The following DCLK1 variants were observed in gnomAD, a reference collection of about 807,000 sequenced individuals.
DCLK1 encodes the protein doublecortin like kinase 1, also known as serine/threonine-protein kinase DCLK1.
In DCLK1, 16 loss-of-function variants were observed where a neutral mutation model predicts 86.2. The observed-to-expected ratio is 0.19, with a 90% CI of 0.13 to 0.28. The LOEUF (loss-of-function observed/expected upper bound fraction) is 0.28. DCLK1 is among the 10% of genes least tolerant of loss of function. The probability of loss-of-function intolerance (pLI) is 1.00; values close to 1 mark genes in which losing one functional copy is unlikely to be tolerated. For synonymous variants in DCLK1, 369 were observed against 370.5 expected (o/e 1.00, Z 0.05); for missense variants, 590 against 940.2 (o/e 0.63, Z 4.87).
intron 7 of DCLK1, among the ~76,000 whole-genome samples, chr13:35,836,626 G>A (rs759644426): frequency 7.2e-5 from 11 of 152,188 alleles, no homozygotes; most frequent in Non-Finnish European, 1.5e-4. Flanking sequence ...GGAAATCTCC[G>A]TAAAATTCCT....
Position 35,799,664 on chromosome 13 carries a change from G to A in DCLK1, c.1944+6035C>T, listed in dbSNP as rs140373200. 4.5e-3 allele frequency among the ~76,000 whole-genome samples: 683 copies of A among 152,116 alleles called. 6 individuals are homozygous for A. The highest frequency in any genetic ancestry group is 0.016 in the African/African-American group (650 of 41,472). On this transcript the variant is annotated intron_variant, in intron 15 of 16. Coordinates refer to ENST00000360631, the MANE Select transcript of DCLK1 (RefSeq NM_001330071.2). The stretch of plus-strand genomic sequence containing the variant: ...GAATAACTCGGGATAAGGTAGATGA[G>A]CATTTTGAAAATAAAAATGGAATGA...
At chr13:35,943,272 T>C (rs1360117888) in intron 4 of DCLK1, among the ~76,000 whole-genome samples, 1 of 152,058 alleles carries the variant, frequency 6.6e-6, no homozygotes, top group East Asian at 1.9e-4. Context: ...ATCAGAAACT[T>C]GGAAGAGATG....
intron 12 of DCLK1, among the ~76,000 whole-genome samples, chr13:35,810,621 C>T (rs1198653305): frequency 6.6e-6 from 1 of 152,094 alleles, no homozygotes; most frequent in Non-Finnish European, 1.5e-5. Flanking sequence ...AAATGGAAGC[C>T]TTAAGATTGC....
rs960632317 is a variant in DCLK1 at position 35,961,917 on chromosome 13, G to A, written c.724-14460C>T. Among the ~76,000 whole-genome samples the A allele has an allele frequency of 2.0e-5, 3 of 152,122 alleles. No individual in the cohort carries two copies. In the East Asian group the frequency reaches 5.8e-4, roughly 29 times the overall value. On this transcript the variant is annotated intron_variant, in intron 3 of 16. Coordinates refer to ENST00000360631, the MANE Select transcript of DCLK1 (RefSeq NM_001330071.2). ...AAATAAGGTTAAAATCGTCATACAT[G>A]ATAGCCATAGTTATTGATGCATTTA...
At chr13:36,045,377 T>TATCTATCTATATATAC (rs568110221) in intron 3 of DCLK1, among the ~76,000 whole-genome samples, 14 of 125,066 alleles carry the variant, frequency 1.1e-4, no homozygotes, top group African/African-American at 3.7e-4. Context: ...TATATATATA[T>TATCTATCTATATATAC]TTCAAGGTAA....
intron 3 of DCLK1, among the ~76,000 whole-genome samples, chr13:36,097,016 A>G (rs1033012029): frequency 6.6e-6 from 1 of 152,198 alleles, no homozygotes; most frequent in Non-Finnish European, 1.5e-5. Context: ...TAAAACCTCA[A>G]TAAAACCCAG....
intron 2 of DCLK1, among the ~76,000 whole-genome samples, chr13:36,120,334 G>A (rs1885942445): frequency 1.3e-5 from 2 of 152,132 alleles, no homozygotes; most frequent in Non-Finnish European, 2.9e-5. Context: ...TTGGTTATAA[G>A]ATTATAACAC....
chr13:35,968,890 C>T (rs565859381), intron 3 of DCLK1, among the ~76,000 whole-genome samples: 1 of 152,294 alleles, frequency 6.6e-6, no homozygotes, highest in South Asian at 2.1e-4. Flanking sequence ...CAGGACTGTA[C>T]CGACCTCCCA....
intron 3 of DCLK1, among the ~76,000 whole-genome samples, chr13:36,053,571 G>A (rs929290589): frequency 6.6e-6 from 1 of 151,852 alleles, no homozygotes; most frequent in African/African-American, 2.4e-5. Context: ...TTTAGAGAAA[G>A]GAGACATAGA....
chr13:36,039,369 G>A (rs1593839101), intron 3 of DCLK1, among the ~76,000 whole-genome samples: 2 of 152,310 alleles, frequency 1.3e-5, no homozygotes, highest in East Asian at 3.9e-4. Context: ...ATACTGAGCT[G>A]CAGGCAATTC....
chr13:35,842,387 G>A (rs1869874252), intron 6 of DCLK1, among the ~76,000 whole-genome samples: 1 of 151,698 alleles, frequency 6.6e-6, no homozygotes, highest in Non-Finnish European at 1.5e-5. Flanking sequence ...TTAGGTGTTT[G>A]AAAATAGCTA....
chr13:36,104,310 T>C (rs1405825648), intron 3 of DCLK1, among the ~76,000 whole-genome samples: 1 of 152,144 alleles, frequency 6.6e-6, no homozygotes, highest in Admixed American at 6.5e-5. Flanking sequence ...CATTCAGTCA[T>C]TTACCAGGTC....
Position 36,100,213 on chromosome 13 carries a change from AC to A in DCLK1, c.723+11655del, listed in dbSNP as rs778004018. Among the ~76,000 whole-genome samples, 41 of 84,180 alleles carry A rather than the reference AC, an allele frequency of 4.9e-4. 1 individual carries two copies. Among genetic ancestry groups the A allele is most frequent in the Admixed American group, 9.5e-4 (7 of 7,386 alleles). 55.2% of individuals were successfully genotyped at this position (84,180 alleles called of 152,430 possible). A position where few individuals can be genotyped will look rare whatever the true frequency, so the allele number is the denominator to read the frequency against. The stretch of plus-strand genomic sequence containing the variant: ...AAAAAAAAAAAAAAAAAAAAAAAAA[AC>A]CACACACACACAAAATTAGCCAGGC... On this transcript the variant is annotated intron_variant, in intron 3 of 16. Coordinates refer to ENST00000360631, the MANE Select transcript of DCLK1 (RefSeq NM_001330071.2).
chr13:35,977,743 G>C (rs1031225159), intron 3 of DCLK1, among the ~76,000 whole-genome samples: 4 of 151,734 alleles, frequency 2.6e-5, no homozygotes, highest in Non-Finnish European at 5.9e-5. Flanking sequence ...ATCAACTCTG[G>C]TCTGCTCTTC....
At chr13:35,845,921 T>A (rs1870141372) in intron 6 of DCLK1, 1 of 985,078 alleles carries the variant, frequency 1.0e-6, no homozygotes. Context: ...CTGTTTATTA[T>A]ATAGTTATTC....
rs745805586 is a variant in DCLK1 at position 35,868,894 on chromosome 13, G to A, written c.940+2330C>T. ...AACCTCTGCCCCTCAAGGTTCAAGC[G>A]ATTCTCCTGCCTCAGCCTCCTGAGT... is the stretch of plus-strand genomic sequence containing the variant. On this transcript the variant is annotated intron_variant, in intron 5 of 16. Coordinates refer to ENST00000360631, the MANE Select transcript of DCLK1 (RefSeq NM_001330071.2). Among the ~76,000 whole-genome samples, 17 of 152,212 alleles carry A rather than the reference G, an allele frequency of 1.1e-4. No homozygotes were observed. In the East Asian group the frequency reaches 1.2e-3, roughly 10 times the overall value.
chr13:35,927,658 C>T (rs1436418988), intron 4 of DCLK1, among the ~76,000 whole-genome samples: 1 of 152,168 alleles, frequency 6.6e-6, no homozygotes, highest in Non-Finnish European at 1.5e-5. Flanking sequence ...CTTGGAAATT[C>T]CCAAGTGATA....
At chr13:36,045,256 T>G (rs1882838795) in intron 3 of DCLK1, among the ~76,000 whole-genome samples, 1 of 112,096 alleles carries the variant, frequency 8.9e-6, no homozygotes, top group South Asian at 3.6e-4. Context: ...AAATCCATCT[T>G]CTATATATAT....
intron 4 of DCLK1, among the ~76,000 whole-genome samples, chr13:35,881,332 G>A (rs529041798): frequency 5.9e-5 from 9 of 152,232 alleles, no homozygotes; most frequent in Middle Eastern, 6.8e-3. Context: ...TGAAATGTGC[G>A]CCTCTAACCA....
Sources: allele counts gnomAD v4.1 joint callset (sites outside exome capture counted in the v4.1 genomes callset), GRCh38; gene constraint gnomAD v4.1.1; transcripts MANE v1.5; gene names NCBI Gene and HGNC (gene_info 2026-07-23, HGNC 2026-07-21).